The following SNAP91 variants were observed in gnomAD, a reference collection of about 807,000 sequenced individuals.
The protein encoded by SNAP91 is clathrin coat assembly protein AP180.
In SNAP91, 27 loss-of-function variants were observed where a neutral mutation model predicts 100.3. The ratio of observed to expected loss-of-function variants is 0.27; its 90% CI spans 0.20 to 0.37. The LOEUF is 0.37. Among genes scored for constraint, SNAP91 ranks in the 10% least tolerant of loss-of-function variants. The pLI, the probability that SNAP91 is intolerant of heterozygous loss-of-function variation, is 1.00. For missense variants in SNAP91, 986 were observed against 1,123.7 expected (o/e 0.88, Z 1.75); for synonymous variants, 404 against 398.6 (o/e 1.01, Z -0.16).
chr6:83,666,404 A>G (rs987276933), intron 2 of SNAP91, among the ~76,000 whole-genome samples: 2 of 152,104 alleles, frequency 1.3e-5, no homozygotes, highest in African/African-American at 4.8e-5. Context: ...ACAGTACAGG[A>G]TGACCTCTTC....
intron 7 of SNAP91, among the ~76,000 whole-genome samples, chr6:83,653,445 G>T (rs546911104): frequency 1.1e-4 from 17 of 152,026 alleles, no homozygotes; most frequent in Non-Finnish European, 2.1e-4. Context: ...AAGTGGTTTT[G>T]CCCTCTAGTA....
intron 23 of SNAP91, 64 bp from the exon 24 acceptor site, chr6:83,580,663 A>G: frequency 7.0e-7 from 1 of 1,435,004 alleles, no homozygotes; most frequent in Non-Finnish European, 9.4e-7. Flanking sequence ...TGCGAAATTA[A>G]AGTAAAACTC....
At chr6:83,638,217 T>A (rs901391350) in intron 8 of SNAP91, among the ~76,000 whole-genome samples, 2 of 152,082 alleles carry the variant, frequency 1.3e-5, no homozygotes, top group Non-Finnish European at 2.9e-5. Context: ...CCTCTTCAAC[T>A]ATGTTGAAGG....
intron 6 of SNAP91, among the ~76,000 whole-genome samples, chr6:83,658,072 C>A (rs1420952610): frequency 6.6e-6 from 1 of 151,758 alleles, no homozygotes; most frequent in Non-Finnish European, 1.5e-5. Flanking sequence ...GTGAGCCATG[C>A]CCAGCCTCAA....
At chr6:83,682,232 C>T (rs1018470468) in intron 2 of SNAP91, among the ~76,000 whole-genome samples, 7 of 140,964 alleles carry the variant, frequency 5.0e-5, no homozygotes, top group East Asian at 2.2e-4. Flanking sequence ...GGCTGGAGTA[C>T]GGTGGTACAA....
At chr6:83,611,258 T>A (rs2096051917) in intron 11 of SNAP91, among the ~76,000 whole-genome samples, 1 of 152,098 alleles carries the variant, frequency 6.6e-6, no homozygotes, top group South Asian at 2.1e-4. Context: ...GGAAAAATAT[T>A]CCCATCATCC....
intron 2 of SNAP91, among the ~76,000 whole-genome samples, chr6:83,671,852 A>G (rs1393621705): frequency 6.6e-6 from 1 of 152,094 alleles, no homozygotes; most frequent in Non-Finnish European, 1.5e-5. Flanking sequence ...AGGAAAAGAT[A>G]GCTGTTTATG....
At chr6:83,693,230 T>C (rs1251709502) in intron 2 of SNAP91, among the ~76,000 whole-genome samples, 1 of 152,138 alleles carries the variant, frequency 6.6e-6, no homozygotes, top group Non-Finnish European at 1.5e-5. Context: ...TTCCTTAACC[T>C]CCTTGGGCAT....
At chr6:83,594,262 T>C (rs2094199779) in intron 17 of SNAP91, 112 bp downstream of exon 17, 7 of 769,262 alleles carry the variant, frequency 9.1e-6, no homozygotes, top group Non-Finnish European at 1.5e-5. Context: ...TGATGAATGA[T>C]ACTTTACACT....
At chr6:83,571,400 G>T (rs1807442873) in intron 26 of SNAP91, among the ~76,000 whole-genome samples, 1 of 152,102 alleles carries the variant, frequency 6.6e-6, no homozygotes, top group African/African-American at 2.4e-5. Flanking sequence ...ACCATGCCTG[G>T]CCCGGGAGCC....
intron 21 of SNAP91, 122 bp from the exon 22 acceptor site, chr6:83,591,416 GT>G (rs2093727509): frequency 1.6e-6 from 1 of 618,752 alleles, no homozygotes; most frequent in South Asian, 2.2e-5. Context: ...CTTGTCTTTT[GT>G]GGGTGTGTGA....
At chr6:83,634,128 A>G (rs113317232) in intron 8 of SNAP91, among the ~76,000 whole-genome samples, 6,306 of 152,252 alleles carry the variant, frequency 0.041, 422 homozygotes, top group African/African-American at 0.14. Flanking sequence ...AAAAATTGTT[A>G]CAAAGTTCAG....
At chr6:83,558,416 A>C (rs992557725) in intron 28 of SNAP91, among the ~76,000 whole-genome samples, 8 of 152,262 alleles carry the variant, frequency 5.3e-5, no homozygotes, top group Non-Finnish European at 1.0e-4. Context: ...AGGGTTCACC[A>C]GTCTTCACAT....
chr6:83,563,216 C>A (rs1006401153), intron 26 of SNAP91, among the ~76,000 whole-genome samples: 1 of 152,156 alleles, frequency 6.6e-6, no homozygotes, highest in Non-Finnish European at 1.5e-5. Flanking sequence ...CCTGTCAGGG[C>A]AGGGTTAGAG....
At chr6:83,698,257 A>G (rs2099246744) in intron 2 of SNAP91, among the ~76,000 whole-genome samples, 1 of 151,676 alleles carries the variant, frequency 6.6e-6, no homozygotes, top group African/African-American at 2.4e-5. Context: ...GATAACCTGG[A>G]TAAATATTAC....
rs768361688 is a variant in SNAP91 at position 83,601,553 on chromosome 6, A to G, written c.1156+32T>C. 4 of 1,613,294 alleles carry G rather than the reference A, an allele frequency of 2.5e-6. No homozygotes were observed. The Admixed American group carries it at 6.7e-5, about 27-fold the overall frequency. On this transcript the variant is annotated intron_variant, in intron 15 of 29. Transcript: ENST00000369694. ...AGTTGTTACATACAGAAGTCTGTCA[A>G]AATGGAAGTTTAAAAACAAAGCTTT...
intron 14 of SNAP91, 49 bp downstream of exon 14, chr6:83,605,636 A>T: frequency 6.5e-7 from 1 of 1,547,190 alleles, no homozygotes; most frequent in Non-Finnish European, 8.7e-7. Flanking sequence ...AGTAAAAACA[A>T]TGAAATAAAA....
intron 27 of SNAP91, 133 bp from the exon 28 acceptor site, chr6:83,560,341 AT>A: frequency 1.5e-6 from 1 of 669,406 alleles, no homozygotes; most frequent in South Asian, 1.9e-5. Flanking sequence ...ATAATTTGTA[AT>A]TTTAATTAGG....
chr6:83,588,372 G>A (rs1363904117), intron 22 of SNAP91, among the ~76,000 whole-genome samples: 1 of 152,150 alleles, frequency 6.6e-6, no homozygotes, highest in Non-Finnish European at 1.5e-5. Context: ...TAGAAGAAAT[G>A]GAAAGTGTGT....
Sources: allele counts gnomAD v4.1 joint callset (sites outside exome capture counted in the v4.1 genomes callset), GRCh38; gene constraint gnomAD v4.1.1; transcripts MANE v1.5; gene names NCBI Gene and HGNC (gene_info 2026-07-23, HGNC 2026-07-21).